The following SRBD1 variants were observed in gnomAD, a reference collection of about 807,000 sequenced individuals.
SRBD1 encodes S1 RNA-binding domain-containing protein 1.
In SRBD1, 88 loss-of-function variants were observed where a neutral mutation model predicts 115.3. The observed-to-expected ratio is 0.76, with a 90% CI of 0.64 to 0.91. The LOEUF is 0.91. Among genes scored for constraint, SRBD1 ranks in the 40% least tolerant of loss-of-function variants. The pLI is 0.00. For synonymous variants in SRBD1, 509 were observed against 407.7 expected, an observed-to-expected ratio of 1.25 and a Z score of -2.99; for missense variants, 1,385 against 1,177.4, an observed-to-expected ratio of 1.18 and a Z score of -2.58.
intron 19 of SRBD1, among the ~76,000 whole-genome samples, chr2:45,403,621 A>G (rs1667348787): frequency 6.6e-6 from 1 of 152,110 alleles, no homozygotes; most frequent in Admixed American, 6.6e-5. Context: ...TCTGGTGCCA[A>G]ATTTTCAGAT....
In SRBD1 at chr2:45,465,046, C is replaced by CACACACACACAT. The variant is rs58921931; in HGVS notation, c.2049+11946_2049+11947insATGTGTGTGTGT. Among the ~76,000 whole-genome samples the CACACACACACAT allele has an allele frequency of 3.9e-4, 55 of 141,622 alleles. 2 individuals carry two copies. Among genetic ancestry groups the CACACACACACAT allele is most frequent in the South Asian group, 2.5e-3 (11 of 4,328 alleles). 92.9% of individuals were successfully genotyped at this position (141,622 alleles called of 152,430 possible). A position where few individuals can be genotyped will look rare whatever the true frequency, so the allele number is the denominator to read the frequency against. ...ACACACACACACACACACACACACA[C>CACACACACACAT]ACAGAGTCATCCCCTGGTATGGGGG... On this transcript the variant is annotated intron_variant, in intron 16 of 20. Transcript: ENST00000263736.
At chr2:45,553,201 C>G (rs112349931) in intron 11 of SRBD1, among the ~76,000 whole-genome samples, 2 of 152,252 alleles carry the variant, frequency 1.3e-5, no homozygotes, top group East Asian at 3.9e-4. Flanking sequence ...TTCACATTGC[C>G]ATTTTAATAA....
chr2:45,496,338 T>C (rs1267165050), intron 14 of SRBD1, among the ~76,000 whole-genome samples: 1 of 152,084 alleles, frequency 6.6e-6, no homozygotes, highest in East Asian at 1.9e-4. Flanking sequence ...TAGCCAACTT[T>C]GAGAATATTC....
chr2:45,504,815 T>C lies in SRBD1; in HGVS notation c.1875-16484A>G, dbSNP rs1308816437. Among the ~76,000 whole-genome samples, 3 of 152,142 alleles carry C rather than the reference T, an allele frequency of 2.0e-5. 1 individual carries two copies. The highest frequency in any genetic ancestry group is 4.4e-5 in the Non-Finnish European group (3 of 68,026). The stretch of plus-strand genomic sequence containing the variant: ...TTACGCCTGGCCCTTTTAGATTTGA[T>C]GGTCACCAGTGTGTACATATGTATG... On this transcript the variant is annotated intron_variant, in intron 14 of 20. Coordinates refer to ENST00000263736, the MANE Select transcript of SRBD1 (RefSeq NM_018079.5).
intron 14 of SRBD1, among the ~76,000 whole-genome samples, chr2:45,497,088 G>A (rs1336542650): frequency 1.3e-5 from 2 of 152,176 alleles, no homozygotes; most frequent in Non-Finnish European, 2.9e-5. Context: ...TTCTGACTCT[G>A]CTATATTACA....
At chr2:45,498,202 C>A (rs1160781725) in intron 14 of SRBD1, among the ~76,000 whole-genome samples, 1 of 152,040 alleles carries the variant, frequency 6.6e-6, no homozygotes, top group Non-Finnish European at 1.5e-5. Flanking sequence ...CCTTTTCTAA[C>A]CTTCTTTAGT....
chr2:45,571,517 CAAAAAA>C lies in SRBD1; in HGVS notation c.1305+1684_1305+1689del, dbSNP rs58100763. 2.8e-4 allele frequency among the ~76,000 whole-genome samples: 11 copies of C among 39,404 alleles called. 1 individual carries two copies. The highest frequency in any genetic ancestry group is 1.9e-3 in the East Asian group (2 of 1,066). The allele number at this position is 39,404 out of a possible 152,430, so 25.9% of individuals were successfully genotyped here. On this transcript the variant is annotated intron_variant, in intron 9 of 20. Coordinates refer to ENST00000263736, the MANE Select transcript of SRBD1 (RefSeq NM_018079.5). ...AAAATACAACATATCCAGACTTTAC[CAAAAAA>C]AAAAAAAAAAAAAAAAAAACTGTCC... is the stretch of plus-strand genomic sequence containing the variant.
At chr2:45,400,449 G>T (rs1667262888) in intron 19 of SRBD1, among the ~76,000 whole-genome samples, 2 of 152,026 alleles carry the variant, frequency 1.3e-5, no homozygotes, top group African/African-American at 4.8e-5. Context: ...CTCCTTCATT[G>T]GGTACTAATA....
chr2:45,404,349 T>C (rs573391021), intron 19 of SRBD1, among the ~76,000 whole-genome samples: 3 of 152,282 alleles, frequency 2.0e-5, no homozygotes, highest in East Asian at 1.9e-4. Flanking sequence ...AATGTGCTTA[T>C]GACAGTCCTT....
chr2:45,567,318 T>C (rs1230868700), intron 9 of SRBD1, among the ~76,000 whole-genome samples: 1 of 152,068 alleles, frequency 6.6e-6, no homozygotes, highest in East Asian at 1.9e-4. Context: ...CACTTAGAAA[T>C]AAATGTTTCG....
At chr2:45,421,788 T>C (rs1035831800) in intron 16 of SRBD1, among the ~76,000 whole-genome samples, 1 of 152,154 alleles carries the variant, frequency 6.6e-6, no homozygotes, top group Non-Finnish European at 1.5e-5. Context: ...GCTTTTGTTC[T>C]GGAAGACTGA....
chr2:45,451,344 G>A (rs1234743142), intron 16 of SRBD1, among the ~76,000 whole-genome samples: 1 of 151,994 alleles, frequency 6.6e-6, no homozygotes, highest in Non-Finnish European at 1.5e-5. Context: ...TTGAACATAT[G>A]AAAAATATTA....
At chr2:45,456,181 C>T (rs1383148270) in intron 16 of SRBD1, among the ~76,000 whole-genome samples, 2 of 151,934 alleles carry the variant, frequency 1.3e-5, no homozygotes, top group Admixed American at 6.6e-5. Context: ...ATTTTCCACA[C>T]TGGCCTTTCT....
At chr2:45,551,686 A>G (rs1672305866) in intron 11 of SRBD1, among the ~76,000 whole-genome samples, 1 of 152,244 alleles carries the variant, frequency 6.6e-6, no homozygotes, top group African/African-American at 2.4e-5. Context: ...GTAAAGGCTC[A>G]TGGCTCATCA....
intron 10 of SRBD1, among the ~76,000 whole-genome samples, chr2:45,555,488 CTT>C (rs35646522): frequency 2.2e-4 from 27 of 121,346 alleles, no homozygotes; most frequent in Non-Finnish European, 2.7e-4. Context: ...TCATTAAACC[CTT>C]TTTTTTTTTT....
At chr2:45,482,033 C>T (rs563404063) in intron 15 of SRBD1, among the ~76,000 whole-genome samples, 7 of 152,146 alleles carry the variant, frequency 4.6e-5, no homozygotes, top group East Asian at 1.9e-4. Context: ...TAAAACTAGA[C>T]GGTGGTGATA....
At position 45,573,248 on chromosome 2, in the gene SRBD1, G is replaced by T; in HGVS notation, c.1264C>A (p.Gln422Lys). ...TTTCTTATGTTGCAGGAAAAATGCT[G>T]GTAGAGCAGAAACTTATCAACATCT... ...EKDVDKFLLY[Q>K]HFSCNIRNIH... is the part of the protein sequence containing the mutation. The change falls in exon 9 of 21, where the codon CAG (glutamine) becomes AAG (lysine). Residue 422 changes from glutamine (Q) to lysine (K), a missense_variant. Coordinates refer to ENST00000263736, the MANE Select transcript of SRBD1 (RefSeq NM_018079.5). 6.2e-7 allele frequency: 1 copy of T among 1,610,826 alleles called. No individual in the cohort carries two copies. The highest frequency in any genetic ancestry group is 1.7e-4 in the Middle Eastern group (1 of 6,044).
chr2:45,596,043 T>G (rs547249639), intron 4 of SRBD1, among the ~76,000 whole-genome samples: 1 of 152,282 alleles, frequency 6.6e-6, no homozygotes, highest in East Asian at 1.9e-4. Flanking sequence ...AAATCTAGCA[T>G]GCCTATAATT....
chr2:45,454,710 G>A (rs928904651), intron 16 of SRBD1, among the ~76,000 whole-genome samples: 1 of 151,818 alleles, frequency 6.6e-6, no homozygotes, highest in Non-Finnish European at 1.5e-5. Flanking sequence ...TTCTTACAAT[G>A]CACGAACATT....
Sources: gnomAD v4.1 joint callset for allele counts (sites outside exome capture counted in the v4.1 genomes callset) on GRCh38, gnomAD v4.1.1 for gene constraint, MANE v1.5 for transcripts, NCBI Gene and HGNC (gene_info 2026-07-23, HGNC 2026-07-21) for gene names.